The following DIDO1 variants were observed in gnomAD, a reference collection of about 807,000 sequenced individuals.
The protein encoded by DIDO1 is death inducer-obliterator 1, also known as death-inducer obliterator 1.
In DIDO1, 16 loss-of-function variants were observed where a neutral mutation model predicts 99.4. The ratio of observed to expected loss-of-function variants is 0.16; its 90% CI spans 0.11 to 0.24. DIDO1 has a LOEUF of 0.24. DIDO1 is among the 10% of genes least tolerant of loss of function. The pLI, the probability that DIDO1 is intolerant of heterozygous loss-of-function variation, is 1.00. For missense variants in DIDO1, 2,996 were observed against 3,014.0 expected, an observed-to-expected ratio of 0.99 and a Z score of 0.14; for synonymous variants, 1,366 against 1,239.1, an observed-to-expected ratio of 1.10 and a Z score of -2.15.
chr20:62,914,551 AG>A (rs2065004883), intron 1 of DIDO1, 145 bp from the exon 2 acceptor site: 1 of 152,262 alleles, frequency 6.6e-6, no homozygotes, highest in African/African-American at 2.4e-5. Flanking sequence ...GTTGAAAACC[AG>A]CACGCAAGCA....
At chr20:62,893,640 G>C in intron 12 of DIDO1, 26 bp downstream of exon 12, 3 of 1,564,548 alleles carry the variant, frequency 1.9e-6, no homozygotes, top group Non-Finnish European at 8.7e-7. Context: ...AGTTTGGCTT[G>C]TTCAGACCAC....
chr20:62,884,553 C>G (rs2064268041), intron 15 of DIDO1, among the ~76,000 whole-genome samples: 1 of 152,206 alleles, frequency 6.6e-6, no homozygotes, highest in African/African-American at 2.4e-5. Context: ...TGTTAAAGAT[C>G]ATCACGGACT....
rs1192485553 is a variant in DIDO1 at position 62,911,624 on chromosome 20, A to C, written c.-2-10T>G. ...CCTTTGTCGTCCATACCTAGCGGTA[A>C]AGTGTAAGCACATAGTGACCAACTG... On this transcript the variant is annotated splice_polypyrimidine_tract_variant and intron_variant, in intron 2 of 15. Coordinates refer to ENST00000395343, the MANE Select transcript of DIDO1 (RefSeq NM_001193369.2). The surrounding 1 kb of genome is among the most constrained non-coding windows in gnomAD (Gnocchi z 7.0). 6.5e-7 allele frequency: 1 copy of C among 1,545,422 alleles called. No individual in the cohort carries two copies. Among genetic ancestry groups the C allele is most frequent in the South Asian group, 1.3e-5 (1 of 79,948 alleles).
chr20:62,909,224 C>T (rs1482021810), intron 4 of DIDO1, among the ~76,000 whole-genome samples: 3 of 152,244 alleles, frequency 2.0e-5, no homozygotes, highest in African/African-American at 7.2e-5. Context: ...ATGGAGACTG[C>T]AAACACAAGA....
chr20:62,928,901 A>G (rs1440966973), upstream of DIDO1: 1 of 152,050 alleles, frequency 6.6e-6, no homozygotes, highest in African/African-American at 2.4e-5. Context: ...AGTTTCTGCA[A>G]CCCCCATGCC....
rs891218398 is a variant in DIDO1 at position 62,891,054 on chromosome 20, T to C, written c.3447A>G (p.Val1149=). 1 of 1,613,974 alleles carries C rather than the reference T, an allele frequency of 6.2e-7. No homozygotes were observed. Among genetic ancestry groups the C allele is most frequent in the African/African-American group, 1.3e-5 (1 of 74,874 alleles). The change falls in exon 15 of 16, where the codon GTA becomes GTG. Residue 1149 remains valine, a synonymous_variant. Coordinates refer to ENST00000395343, the MANE Select transcript of DIDO1 (RefSeq NM_001193369.2). ...CCTTGACGTGCCTGTTGTTATTAGCTACAACACCAAAGCGGCCACGGCTGC... is the reference window on the plus strand; with the variant it reads ...CCTTGACGTGCCTGTTGTTATTAGCCACAACACCAAAGCGGCCACGGCTGC... ...YFSSRGRFGV[V]ANNNRHVKDL...
At chr20:62,895,360 C>T (rs563239519) in intron 8 of DIDO1, among the ~76,000 whole-genome samples, 195 bp from the exon 9 acceptor site, 3 of 152,146 alleles carry the variant, frequency 2.0e-5, no homozygotes, top group Admixed American at 6.5e-5. Flanking sequence ...TATGAGAGTG[C>T]GCCCCAGGAT....
rs377417020 is a variant in DIDO1 at position 62,889,229 on chromosome 20, C to T, written c.3541+1731G>A. 124 of 985,598 alleles carry T rather than the reference C, an allele frequency of 1.3e-4. 1 individual carries two copies. In the South Asian group the frequency reaches 1.5e-3, roughly 12 times the overall value. The allele number at this position is 985,598 out of a possible 1,614,324, so 61.1% of individuals were successfully genotyped here. On this transcript the variant is annotated intron_variant, in intron 15 of 15. Transcript: ENST00000395343. The stretch of plus-strand genomic sequence containing the variant: ...GGAGACCTGTCCTTTCCCTCTGCCC[C>T]GGGGCTGCACCTGCACAGCCAGCCC...
At chr20:62,892,257 G>A (rs895625650) in intron 13 of DIDO1, among the ~76,000 whole-genome samples, 181 bp from the exon 14 acceptor site, 2 of 152,154 alleles carry the variant, frequency 1.3e-5, no homozygotes, top group African/African-American at 4.8e-5. Flanking sequence ...AATCCAAAGG[G>A]GGAGTGATGC....
Position 62,894,684 on chromosome 20 carries a change from G to T in DIDO1, c.2436+126C>A. 7.1e-7 allele frequency: 1 copy of T among 1,404,172 alleles called. No individual in the cohort carries two copies. The allele number at this position is 1,404,172 out of a possible 1,614,324, so 87.0% of individuals were successfully genotyped here. On this transcript the variant is annotated intron_variant, in intron 10 of 15. Transcript: ENST00000395343. The surrounding 1 kb of genome is among the most constrained non-coding windows in gnomAD (Gnocchi z 4.4). The stretch of plus-strand genomic sequence containing the variant: ...AAAAGGACCATCTAATACAAGGACT[G>T]AGGAATGCCACAATGACATACACCT...
chr20:62,887,707 G>C, intron 15 of DIDO1: 8 of 985,478 alleles, frequency 8.1e-6, no homozygotes, highest in Non-Finnish European at 9.6e-6. Context: ...AACCCTACAC[G>C]ATGAGCTTTC....
chr20:62,937,367 CG>C (rs1209545235), intron 1 of DIDO1, among the ~76,000 whole-genome samples: 7 of 141,004 alleles, frequency 5.0e-5, no homozygotes, highest in African/African-American at 1.9e-4. Flanking sequence ...GCGCTCCTGC[CG>C]GGAGGGTCTC....
chr20:62,928,548 C>G (rs1027855091), upstream of DIDO1: 83 of 152,274 alleles, frequency 5.5e-4, no homozygotes, highest in African/African-American at 1.9e-3. Context: ...TGGGAGCTGC[C>G]CTCCCTGGTG....
rs369816036 is a variant in DIDO1, at chr20:62,893,756, G to A, written c.3011C>T (p.Thr1004Ile). ...TATGGACTTGGGCACCATCACAGAA[G>A]TCAAGACAGGCTTCGGCACATCCTG... ...ARQDVPKPVL[T>I]SVMVPKSILA... Residue 1004 changes from threonine to isoleucine, a missense_variant, in exon 12 of 16, where the codon ACT (threonine) becomes ATT (isoleucine). Thr to Ile is a moderately conservative substitution (Grantham distance 89, BLOSUM62 -1). Transcript: ENST00000395343. 1.9e-5 allele frequency: 31 copies of A among 1,614,134 alleles called. No homozygotes were observed. The highest frequency in any genetic ancestry group is 4.5e-5 in the East Asian group (2 of 44,904).
At chr20:62,890,257 T>TA (rs1321293073) in intron 15 of DIDO1, 2 of 985,872 alleles carry the variant, frequency 2.0e-6, no homozygotes, top group Non-Finnish European at 2.4e-6. Flanking sequence ...GGGCATCAGA[T>TA]ACTAACCCCT....
Position 62,893,776 on chromosome 20 carries a change from A to G in DIDO1, c.2991T>C (p.Asp997=). Residue 997 remains aspartate (D), a synonymous_variant, in exon 12 of 16, where the codon GAT becomes GAC. Transcript: ENST00000395343. ...CAGAAGTCAAGACAGGCTTCGGCACATCCTGTCTGGCTTCCACCATGTGGG... is the reference window on the plus strand; with the variant it reads ...CAGAAGTCAAGACAGGCTTCGGCACGTCCTGTCTGGCTTCCACCATGTGGG... ...DSTHMVEARQ[D]VPKPVLTSVM... is the part of the protein sequence containing the mutation. 1 of 1,614,220 alleles carries G rather than the reference A, an allele frequency of 6.2e-7. No homozygotes were observed. The highest frequency in any genetic ancestry group is 8.5e-7 in the Non-Finnish European group (1 of 1,180,048).
chr20:62,891,461 C>T (rs531161092), intron 14 of DIDO1, among the ~76,000 whole-genome samples: 2 of 152,238 alleles, frequency 1.3e-5, no homozygotes, highest in Admixed American at 6.5e-5. Context: ...CTAGCCCTTT[C>T]GTGAACCTGA....
At position 62,879,732 on chromosome 20, in the gene DIDO1, C is replaced by G. The variant is rs1280526752; in HGVS notation, c.6224G>C (p.Gly2075Ala). 5 of 1,611,760 alleles carry G rather than the reference C, an allele frequency of 3.1e-6. No homozygotes were observed. The South Asian group carries it at 4.4e-5, about 14-fold the overall frequency. The change falls in exon 16 of 16, where the codon GGC becomes GCC. Residue 2075 changes from glycine to alanine, a missense_variant. Transcript: ENST00000395343. The surrounding 1 kb of genome is among the most constrained non-coding windows in gnomAD (Gnocchi z 6.3). ...GAAAGTCTGGTTTCTGTATTCGTGG[C>G]CTTTCCCCTCTCGGAAGTCGGCCGA... is the stretch of plus-strand genomic sequence containing the variant. Reference protein sequence around the residue: ...WASADFREGKGHEYRNQTFEG... With the variant: ...WASADFREGKAHEYRNQTFEG...
intron 6 of DIDO1, among the ~76,000 whole-genome samples, chr20:62,904,807 A>AAAAAAAAAAT (rs1568859998): frequency 2.1e-5 from 3 of 141,706 alleles, no homozygotes; most frequent in African/African-American, 8.0e-5. Flanking sequence ...AAAAAAAAAA[A>AAAAAAAAAAT]GTGTCTTTTT....
Sources: allele counts gnomAD v4.1 joint callset (sites outside exome capture counted in the v4.1 genomes callset), GRCh38; gene constraint gnomAD v4.1.1; non-coding constraint Gnocchi (gnomAD v3.1); transcripts MANE v1.5; gene names NCBI Gene and HGNC (gene_info 2026-07-23, HGNC 2026-07-21).